Variants in CHD8 observed in about 807,000 individuals in gnomAD.
The protein encoded by CHD8 is chromodomain helicase DNA binding protein 8.
CHD8 carries 31 observed loss-of-function variants against 279.2 expected under a neutral mutation model. That is an observed-to-expected ratio of 0.11 (90% CI 0.08 to 0.15). The LOEUF (loss-of-function observed/expected upper bound fraction) is 0.15, where lower values mean the gene tolerates loss of function less well. Among genes scored for constraint, CHD8 ranks in the 10% least tolerant of loss-of-function variants. The pLI is 1.00. For synonymous variants in CHD8, 1,081 were observed against 1,139.6 expected (o/e 0.95, Z 1.04); for missense variants, 2,146 against 3,230.5 (o/e 0.66, Z 8.14).
At chr14:21,388,544 A>G (rs1887382277) in intron 37 of CHD8, among the ~76,000 whole-genome samples, 1 of 152,068 alleles carries the variant, frequency 6.6e-6, no homozygotes, top group Admixed American at 6.5e-5. Context: ...CCCAGGCTGG[A>G]GTGCAGTGGC....
At position 21,399,734 on chromosome 14, in the gene CHD8, C is replaced by A. The variant is rs1011588742; in HGVS notation, c.4818-29G>T. 12 of 1,428,328 alleles carry A rather than the reference C, an allele frequency of 8.4e-6. No individual in the cohort carries two copies. In the African/African-American group the frequency reaches 1.5e-4, roughly 18 times the overall value. 88.5% of individuals were successfully genotyped at this position (1,428,328 alleles called of 1,614,324 possible). On this transcript the variant is annotated intron_variant, in intron 25 of 37. Coordinates refer to ENST00000646647, the MANE Select transcript of CHD8 (RefSeq NM_001170629.2). ...AAGGTATAAGAGGGCAGAGTCAGCA[C>A]AGAAATGCAGGAAATTAAAGTGAGA...
At chr14:21,426,062 T>C in intron 5 of CHD8, 66 bp downstream of exon 5, 2 of 934,872 alleles carry the variant, frequency 2.1e-6, no homozygotes, top group Non-Finnish European at 3.4e-6. Flanking sequence ...TCTCAATATC[T>C]GCTTGGCTTG....
chr14:21,431,361 A>T lies in CHD8; in HGVS notation c.283T>A (p.Tyr95Asn). The change falls in exon 2 of 38, where the codon TAT becomes AAT. Residue 95 changes from tyrosine (Y) to asparagine (N), a missense_variant. Physicochemically the swap from Tyr to Asn is moderately radical, Grantham distance 143 (BLOSUM62 -2). Around this residue, in one of 26 missense-constraint regions of CHD8, gnomAD observed 302 missense variants for 325.5 expected, o/e 0.93. Transcript: ENST00000646647. Reference protein sequence around the residue: ...PAPESITLHDYTTQPASQEQP... With the variant: ...PAPESITLHDNTTQPASQEQP... Reference sequence around the variant, plus strand: ...TCCTGGCTGGCAGGCTGAGTGGTATAATCATGCAAGGTTATGGATTCTGGA... The same window carrying T: ...TCCTGGCTGGCAGGCTGAGTGGTATTATCATGCAAGGTTATGGATTCTGGA... 6.5e-7 allele frequency: 1 copy of T among 1,537,592 alleles called. No individual in the cohort carries two copies.
In CHD8 at chr14:21,402,041, A is replaced by G. The variant is rs747596063; in HGVS notation, c.3978T>C (p.Cys1326=). The G allele has an allele frequency of 6.2e-7, 1 of 1,613,712 alleles. No individual in the cohort carries two copies. Among genetic ancestry groups the G allele is most frequent in the Admixed American group, 1.7e-5 (1 of 59,924 alleles). ...MEEDDEGSKF[C]EEDIDQILLR... ...ACAAGATCTGGTCAATGTCCTCTTC[A>G]CAAAACTTGGAGCCTTCATCATCTT... The change falls in exon 20 of 38, where the codon TGT becomes TGC. Residue 1326 remains cysteine, a synonymous_variant. Transcript: ENST00000646647. The surrounding 1 kb of genome is among the most constrained non-coding windows in gnomAD (Gnocchi z 4.5).
At chr14:21,392,112 C>T (rs756832960) in intron 34 of CHD8, 166 bp from the exon 35 acceptor site, 11 of 763,340 alleles carry the variant, frequency 1.4e-5, no homozygotes, top group Admixed American at 3.5e-5. Flanking sequence ...AAAACATACA[C>T]ACTTTTTCCT....
intron 26 of CHD8, 40 bp downstream of exon 26, chr14:21,399,562 T>A (rs1357303461): frequency 7.2e-7 from 1 of 1,396,810 alleles, no homozygotes. Context: ...TGAACATAAA[T>A]CTTCAGTCGG....
At chr14:21,445,280 C>G (rs1425599391) in intron 1 of CHD8, among the ~76,000 whole-genome samples, 1 of 152,170 alleles carries the variant, frequency 6.6e-6, no homozygotes, top group Non-Finnish European at 1.5e-5. Context: ...CTCATTTCAA[C>G]AAAAAGTTGG....
At chr14:21,411,028 G>A (rs1888471018) in intron 10 of CHD8, among the ~76,000 whole-genome samples, 1 of 152,170 alleles carries the variant, frequency 6.6e-6, no homozygotes, top group Admixed American at 6.5e-5. Context: ...AATAGTATTA[G>A]CCAATACTGG....
intron 1 of CHD8, among the ~76,000 whole-genome samples, chr14:21,446,520 A>G (rs1409073107): frequency 1.3e-5 from 2 of 152,198 alleles, no homozygotes; most frequent in East Asian, 3.9e-4. Flanking sequence ...CATGTTGCCC[A>G]GGCTGGTCTG....
In CHD8 at chr14:21,443,511, A is replaced by G. The variant is rs551022032; in HGVS notation, c.-215-11653T>C. On this transcript the variant is annotated intron_variant, in intron 1 of 37. Coordinates refer to ENST00000646647, the MANE Select transcript of CHD8 (RefSeq NM_001170629.2). ...ACAGAGGCAGAGAATAGAGATTTGC[A>G]GGGGAAGAGTGATCAATTATATCAA... 2.0e-5 allele frequency among the ~76,000 whole-genome samples: 3 copies of G among 152,266 alleles called. No individual in the cohort carries two copies. In the East Asian group the frequency reaches 5.8e-4, roughly 29 times the overall value.
Position 21,401,014 on chromosome 14 carries a change from G to C in CHD8, c.4231C>G (p.Leu1411Val). 6.2e-7 allele frequency: 1 copy of C among 1,613,922 alleles called. No individual in the cohort carries two copies. Among genetic ancestry groups the C allele is most frequent in the South Asian group, 1.1e-5 (1 of 91,062 alleles). ...VRKQTRHFST[L>V]KDDDLVEFSD... ...AATTCCACCAGGTCATCATCTTTCAGAGTGCTAAAGTGGCGCGTTTGTTTT... is the reference window on the plus strand; with the variant it reads ...AATTCCACCAGGTCATCATCTTTCACAGTGCTAAAGTGGCGCGTTTGTTTT... Residue 1411 changes from leucine to valine, a missense_variant, in exon 22 of 38, where the codon CTG becomes GTG. Leu to Val is a conservative substitution (Grantham distance 32). Coordinates refer to ENST00000646647, the MANE Select transcript of CHD8 (RefSeq NM_001170629.2).
chr14:21,397,362 CCT>C, intron 27 of CHD8: 1 of 518,870 alleles, frequency 1.9e-6, no homozygotes, highest in Non-Finnish European at 3.8e-6. Flanking sequence ...CACTGCCCTA[CCT>C]GGTGGCTCAG....
chr14:21,391,986 C>T (rs774546480), intron 34 of CHD8, 40 bp from the exon 35 acceptor site: 2 of 1,392,632 alleles, frequency 1.4e-6, no homozygotes, highest in Non-Finnish European at 2.0e-6. Context: ...TCATATGGTA[C>T]ATGTTTTTCA....
chr14:21,396,410 G>A (rs1303587276), intron 27 of CHD8, among the ~76,000 whole-genome samples: 1 of 151,846 alleles, frequency 6.6e-6, no homozygotes, highest in African/African-American at 2.4e-5. Context: ...GGGTTCAAGC[G>A]ATTCTCCTGC....
rs771590165 is a variant in CHD8, at chr14:21,386,100, C to G, written c.7259G>C (p.Arg2420Pro). Residue 2420 changes from arginine to proline, a missense_variant, in exon 38 of 38, where the codon CGT (arginine) becomes CCT (proline). By Grantham distance (103) the Arg-to-Pro change is moderately radical (BLOSUM62 -2). Around this residue, in one of 26 missense-constraint regions of CHD8, gnomAD observed 336 missense variants for 392.9 expected, o/e 0.86. Transcript: ENST00000646647. ...IAPESSKKRA[R>P]RMRPDLSKMM... ...CTTAGAAAGGTCTGGTCGCATCCTACGGGCCCGCTTCTTGCTGCTCTCTGG... is the reference window on the plus strand; with the variant it reads ...CTTAGAAAGGTCTGGTCGCATCCTAGGGGCCCGCTTCTTGCTGCTCTCTGG... 6.4e-7 allele frequency: 1 copy of G among 1,559,750 alleles called. No individual in the cohort carries two copies. The highest frequency in any genetic ancestry group is 2.4e-5 in the East Asian group (1 of 41,718).
Position 21,405,200 on chromosome 14 carries a change from T to C in CHD8, c.3307+9A>G, listed in dbSNP as rs759102595. 3 of 1,613,066 alleles carry C rather than the reference T, an allele frequency of 1.9e-6. No homozygotes were observed. Among genetic ancestry groups the C allele is most frequent in the South Asian group, 1.1e-5 (1 of 90,984 alleles). On this transcript the variant is annotated intron_variant, in intron 16 of 37. Coordinates refer to ENST00000646647, the MANE Select transcript of CHD8 (RefSeq NM_001170629.2). This position sits in a 1 kb window ranked among gnomAD's most constrained non-coding sequence, Gnocchi z 4.2. The stretch of plus-strand genomic sequence containing the variant: ...CAGAAGTTCAGGTATATACCAAGCA[T>C]TCCCTCACCATTGATGAGATATGGG...
chr14:21,385,990 C>G lies in CHD8; in HGVS notation c.7369G>C (p.Val2457Leu). 10 of 1,583,056 alleles carry G rather than the reference C, an allele frequency of 6.3e-6. No individual in the cohort carries two copies. Among genetic ancestry groups the G allele is most frequent in the Non-Finnish European group, 8.6e-6 (10 of 1,163,810 alleles). The change falls in exon 38 of 38, where the codon GTG becomes CTG. Residue 2457 changes from valine (V) to leucine (L), a missense_variant. This residue lies in a region of CHD8 where 336 missense variants were observed against 392.9 expected (regional missense o/e 0.86). Transcript: ENST00000646647. ...GCACTGCTGTGACCCAAAGATGACA[C>G]AGACTGTAGGCCACTACTGCTGTGT... ...FQHSSSGLQSVSSLGHSSATS... is the reference protein window; with the variant it reads ...FQHSSSGLQSLSSLGHSSATS...
intron 20 of CHD8, 81 bp downstream of exon 20, chr14:21,401,876 A>G (rs952018493): frequency 2.7e-5 from 36 of 1,340,756 alleles, no homozygotes; most frequent in Non-Finnish European, 3.3e-5. Context: ...ATGAGCCACC[A>G]TCCCCAGCAT....
In CHD8 at chr14:21,408,588, A is replaced by G; in HGVS notation, c.2487-33T>C. 1 of 1,589,898 alleles carries G rather than the reference A, an allele frequency of 6.3e-7. No individual in the cohort carries two copies. Among genetic ancestry groups the G allele is most frequent in the Non-Finnish European group, 8.6e-7 (1 of 1,168,208 alleles). ...TTCACCATGGGAAAAAAAAAATGTT[A>G]AAAGATACTATCTTTAAAAAAAATA... On this transcript the variant is annotated intron_variant, in intron 12 of 37. Coordinates refer to ENST00000646647, the MANE Select transcript of CHD8 (RefSeq NM_001170629.2). This position sits in a 1 kb window ranked among gnomAD's most constrained non-coding sequence, Gnocchi z 4.3.
Sources: gnomAD v4.1 joint callset for allele counts (sites outside exome capture counted in the v4.1 genomes callset) on GRCh38, gnomAD v4.1.1 for gene constraint, gnomAD v4.1.1 regional missense constraint, Gnocchi (gnomAD v3.1) non-coding constraint, MANE v1.5 for transcripts, NCBI Gene and HGNC (gene_info 2026-07-23, HGNC 2026-07-21) for gene names.